Variants in MYO7B observed in about 807,000 individuals in gnomAD.
MYO7B encodes the protein myosin VIIB.
Under a neutral mutation model 259.7 loss-of-function variants are expected in MYO7B, and 212 were observed. The ratio of observed to expected loss-of-function variants is 0.82; its 90% CI spans 0.73 to 0.91. The LOEUF (loss-of-function observed/expected upper bound fraction) is 0.91, where lower values mean the gene tolerates loss of function less well. Among genes scored for constraint, MYO7B ranks in the 40% least tolerant of loss-of-function variants. The pLI, the probability that MYO7B is intolerant of heterozygous loss-of-function variation, is 0.00. For synonymous variants in MYO7B, 1,197 were observed against 1,166.4 expected (o/e 1.03, Z -0.54); for missense variants, 2,732 against 2,813.5 (o/e 0.97, Z 0.66).
chr2:127,596,441 A>G, intron 18 of MYO7B, 21 bp from the exon 19 acceptor site: 1 of 1,595,368 alleles, frequency 6.3e-7, no homozygotes, highest in Non-Finnish European at 8.6e-7. Flanking sequence ...CAGCCCAGTG[A>G]CGGCGTCTCT....
chr2:127,588,572 C>A lies in MYO7B; in HGVS notation c.1854+17C>A. The A allele has an allele frequency of 6.2e-7, 1 of 1,612,288 alleles. No homozygotes were observed. The highest frequency in any genetic ancestry group is 8.5e-7 in the Non-Finnish European group (1 of 1,179,534). ...CTCTTCAAGGTGGGCTCCCAGGCACCCTCCTGGGTCTGTCACCCCTGATGG... is the reference window on the plus strand; with the variant it reads ...CTCTTCAAGGTGGGCTCCCAGGCACACTCCTGGGTCTGTCACCCCTGATGG... On this transcript the variant is annotated intron_variant, in intron 15 of 47. Coordinates refer to ENST00000409816, the MANE Select transcript of MYO7B (RefSeq NM_001393586.1).
At chr2:127,620,826 A>C (rs1328262865) in intron 27 of MYO7B, among the ~76,000 whole-genome samples, 2 of 152,216 alleles carry the variant, frequency 1.3e-5, no homozygotes, top group African/African-American at 4.8e-5. Context: ...ACCTCTTTCT[A>C]GTTCTTAGGA....
chr2:127,604,490 T>C (rs1680088768), intron 19 of MYO7B, among the ~76,000 whole-genome samples: 1 of 152,262 alleles, frequency 6.6e-6, no homozygotes, highest in Non-Finnish European at 1.5e-5. Context: ...TCATCATTCA[T>C]GTGTTCACTG....
Position 127,624,301 on chromosome 2 carries a change from G to T in MYO7B, c.4028G>T (p.Gly1343Val). 1 of 1,579,970 alleles carries T rather than the reference G, an allele frequency of 6.3e-7. No individual in the cohort carries two copies. The highest frequency in any genetic ancestry group is 8.6e-7 in the Non-Finnish European group (1 of 1,163,608). ...YRQVLRGVWS[G>V]EYSFEKEEEL... is the part of the protein sequence containing the mutation. ...CAAGTCCTCCGAGGAGTCTGGTCTG[G>T]CGAGTACAGCTTCGAGAAGGTGAGG... Residue 1343 changes from glycine (G) to valine (V), a missense_variant, in exon 30 of 48, where the codon GGC (glycine) becomes GTC (valine). Physicochemically the swap from Gly to Val is moderately radical, Grantham distance 109. Transcript: ENST00000409816.
chr2:127,538,263 G>A (rs902451635), intron 1 of MYO7B, among the ~76,000 whole-genome samples: 21 of 141,820 alleles, frequency 1.5e-4, no homozygotes, highest in African/African-American at 1.9e-4. Context: ...GATGAAATAC[G>A]GTTGAGGGGG....
Position 127,586,848 on chromosome 2 carries a change from C to T in MYO7B, c.1691-1544C>T, listed in dbSNP as rs569385954. The stretch of plus-strand genomic sequence containing the variant: ...CTGAACCCAGGAGTGTCTCAACCCT[C>T]CCCACCCTTAAAACATCCAGGGAGC... On this transcript the variant is annotated intron_variant, in intron 14 of 47. Coordinates refer to ENST00000409816, the MANE Select transcript of MYO7B (RefSeq NM_001393586.1). The surrounding 1 kb of genome is among the most constrained non-coding windows in gnomAD (Gnocchi z 4.8). Among the ~76,000 whole-genome samples, 230 of 152,206 alleles carry T rather than the reference C, an allele frequency of 1.5e-3. 1 individual carries two copies. Among genetic ancestry groups the T allele is most frequent in the East Asian group, 2.1e-3 (11 of 5,150 alleles).
chr2:127,581,364 C>T (rs764358801), intron 10 of MYO7B, among the ~76,000 whole-genome samples: 6 of 152,320 alleles, frequency 3.9e-5, no homozygotes, highest in Middle Eastern at 3.4e-3. Flanking sequence ...CATGGCAGCA[C>T]CCCACGTCAC....
At chr2:127,544,845 A>G (rs1339715788) in intron 1 of MYO7B, among the ~76,000 whole-genome samples, 16 of 146,162 alleles carry the variant, frequency 1.1e-4, no homozygotes, top group South Asian at 2.2e-4. Context: ...CTCCCAAAGT[A>G]CTGGGATTAC....
chr2:127,625,042 C>G (rs1033088285), intron 30 of MYO7B, among the ~76,000 whole-genome samples: 1 of 152,202 alleles, frequency 6.6e-6, no homozygotes. Flanking sequence ...AGGGGGGCTA[C>G]TGGTCTCCCT....
At position 127,636,169 on chromosome 2, in the gene MYO7B, C is replaced by T. The variant is rs1681790947; in HGVS notation, c.6007-39C>T. Reference sequence around the variant, plus strand: ...CCCCCACCAGGGCTTTGGAGGGCCTCTGGGCACCCAAGTCCTTACTGGCCC... The same window carrying T: ...CCCCCACCAGGGCTTTGGAGGGCCTTTGGGCACCCAAGTCCTTACTGGCCC... On this transcript the variant is annotated intron_variant, in intron 44 of 47. Transcript: ENST00000409816. This position sits in a 1 kb window ranked among gnomAD's most constrained non-coding sequence, Gnocchi z 4.5. 3.2e-6 allele frequency: 5 copies of T among 1,546,880 alleles called. No homozygotes were observed. Among genetic ancestry groups the T allele is most frequent in the Non-Finnish European group, 4.4e-6 (5 of 1,124,012 alleles).
At position 127,621,984 on chromosome 2, in the gene MYO7B, T is replaced by C. The variant is rs750764985; in HGVS notation, c.3528T>C (p.Tyr1176=). The stretch of plus-strand genomic sequence containing the variant: ...CTTCTCCCCTCCTCACCCACCAGTA[T>C]CTACTGAACTTCATCGGCCAAGGGC... ...CFPPSERFMK[Y]LLNFIGQGPA... The change falls in exon 28 of 48, where the codon TAT becomes TAC. Residue 1176 remains tyrosine (Y), a splice_region_variant and synonymous_variant. Transcript: ENST00000409816. The C allele has an allele frequency of 4.5e-6, 7 of 1,551,772 alleles. No homozygotes were observed. The highest frequency in any genetic ancestry group is 5.2e-6 in the Non-Finnish European group (6 of 1,146,986).
intron 47 of MYO7B, 98 bp downstream of exon 47, chr2:127,637,011 G>C: frequency 1.3e-6 from 2 of 1,549,512 alleles, no homozygotes; most frequent in Non-Finnish European, 1.7e-6. Flanking sequence ...TCACTAAGAG[G>C]GCTCAGTCAC....
rs901638901 is a variant in MYO7B, at chr2:127,629,882, G to C, written c.4806+56G>C. On this transcript the variant is annotated intron_variant, in intron 35 of 47. Coordinates refer to ENST00000409816, the MANE Select transcript of MYO7B (RefSeq NM_001393586.1). ...GGGTACCCGAGGTCAGGGTGGAGCA[G>C]TCCTGGGATGCCTAGTTGGGAGGCC... 2.1e-6 allele frequency: 3 copies of C among 1,457,802 alleles called. No individual in the cohort carries two copies. The African/African-American group carries it at 4.4e-5, about 21-fold the overall frequency. The allele number at this position is 1,457,802 out of a possible 1,614,324, so 90.3% of individuals were successfully genotyped here. A position where few individuals can be genotyped will look rare whatever the true frequency, so the allele number is the denominator to read the frequency against.
At chr2:127,560,030 C>CTTTTTTTTTTTTTTT (rs59002626) in intron 2 of MYO7B, among the ~76,000 whole-genome samples, 1 of 138,180 alleles carries the variant, frequency 7.2e-6, no homozygotes, top group Non-Finnish European at 1.5e-5. Flanking sequence ...CTTTTCTTTT[C>CTTTTTTTTTTTTTTT]TTTTTTTTTT....
chr2:127,620,229 C>T (rs111811458), intron 26 of MYO7B, 111 bp from the exon 27 acceptor site: 21 of 1,309,752 alleles, frequency 1.6e-5, no homozygotes, highest in Non-Finnish European at 2.0e-5. Context: ...TGGAGAGGTG[C>T]CCTGCATATG....
In MYO7B at chr2:127,635,174, A is replaced by G. The variant is rs763573814; in HGVS notation, c.5768A>G (p.Asn1923Ser). 6.2e-7 allele frequency: 1 copy of G among 1,613,650 alleles called. No homozygotes were observed. Among genetic ancestry groups the G allele is most frequent in the South Asian group, 1.1e-5 (1 of 91,058 alleles). The change falls in exon 43 of 48, where the codon AAC becomes AGC. Residue 1923 changes from asparagine (N) to serine (S), a missense_variant. Around this residue, in one of 3 missense-constraint regions of MYO7B, gnomAD observed 821 missense variants for 769.3 expected, o/e 1.07. Coordinates refer to ENST00000409816, the MANE Select transcript of MYO7B (RefSeq NM_001393586.1). Reference sequence around the variant, plus strand: ...TACTTCATGCGGAAATTGTGGCTCAACATATCTCCAGGGAAGGATGTGAAT... The same window carrying G: ...TACTTCATGCGGAAATTGTGGCTCAGCATATCTCCAGGGAAGGATGTGAAT... ...QVYFMRKLWL[N>S]ISPGKDVNAD...
rs1042731671 is a variant in MYO7B, at chr2:127,546,927, C to CTAA, written c.-24+11097_-24+11098insAAT. Among the ~76,000 whole-genome samples, 107 of 151,982 alleles carry CTAA rather than the reference C, an allele frequency of 7.0e-4. No individual in the cohort carries two copies. Among genetic ancestry groups the CTAA allele is most frequent in the African/African-American group, 2.5e-3 (104 of 41,452 alleles). On this transcript the variant is annotated intron_variant, in intron 1 of 47. Transcript: ENST00000409816. The surrounding 1 kb of genome is among the most constrained non-coding windows in gnomAD (Gnocchi z 4.2). ...ATCCACCCACCCACCCATTCACCCA[C>CTAA]TCATTCAACCACTAATCGACTCATC...
At chr2:127,631,502 C>T in intron 37 of MYO7B, 98 bp from the exon 38 acceptor site, 1 of 1,526,924 alleles carries the variant, frequency 6.5e-7, no homozygotes, top group Non-Finnish European at 8.8e-7. Context: ...ACAGAGCCCA[C>T]ACATGGCTCA....
At chr2:127,620,260 A>C in intron 26 of MYO7B, 80 bp from the exon 27 acceptor site, 4 of 1,513,342 alleles carry the variant, frequency 2.6e-6, no homozygotes, top group Non-Finnish European at 3.6e-6. Context: ...GAGGTGCACA[A>C]GAGCTGTGTG....
Sources: allele counts gnomAD v4.1 joint callset (sites outside exome capture counted in the v4.1 genomes callset), GRCh38; gene constraint gnomAD v4.1.1; regional missense constraint gnomAD v4.1.1; non-coding constraint Gnocchi (gnomAD v3.1); transcripts MANE v1.5; gene names NCBI Gene and HGNC (gene_info 2026-07-23, HGNC 2026-07-21).